Variants in CDK14 observed in about 807,000 individuals in gnomAD.
CDK14 encodes cyclin-dependent kinase 14.
Under a neutral mutation model 60.7 loss-of-function variants are expected in CDK14, and 34 were observed. The observed-to-expected ratio is 0.56, with a 90% CI of 0.43 to 0.75. The LOEUF is 0.75. Among genes scored for constraint, CDK14 ranks in the 30% least tolerant of loss-of-function variants. CDK14 has a pLI of 0.00. For synonymous variants in CDK14, 197 were observed against 203.7 expected, an observed-to-expected ratio of 0.97 and a Z score of 0.28; for missense variants, 482 against 564.1, an observed-to-expected ratio of 0.85 and a Z score of 1.47.
At chr7:90,680,665 A>G (rs1801296144) in intron 2 of CDK14, among the ~76,000 whole-genome samples, 1 of 152,210 alleles carries the variant, frequency 6.6e-6, no homozygotes, top group Non-Finnish European at 1.5e-5. Context: ...GTCATCACAT[A>G]TCAGATATGC....
At chr7:90,990,297 G>A (rs1795494776) in intron 10 of CDK14, among the ~76,000 whole-genome samples, 1 of 152,092 alleles carries the variant, frequency 6.6e-6, no homozygotes, top group South Asian at 2.1e-4. Flanking sequence ...AATATACAAT[G>A]TGGATAAAAT....
intron 3 of CDK14, among the ~76,000 whole-genome samples, chr7:90,732,669 G>A (rs1343817494): frequency 3.9e-5 from 6 of 152,140 alleles, no homozygotes; most frequent in African/African-American, 1.4e-4. Context: ...TTGTATTTCT[G>A]TGGGATTGGT....
At chr7:90,703,248 A>G (rs964224107) in intron 2 of CDK14, among the ~76,000 whole-genome samples, 1 of 152,106 alleles carries the variant, frequency 6.6e-6, no homozygotes, top group Non-Finnish European at 1.5e-5. Flanking sequence ...CTTATAATTT[A>G]ATTCACATTT....
chr7:90,877,245 T>C (rs1008553376), intron 6 of CDK14, among the ~76,000 whole-genome samples: 2 of 152,242 alleles, frequency 1.3e-5, no homozygotes, highest in Non-Finnish European at 2.9e-5. Context: ...AGTTTCATTA[T>C]GTTTTCATTG....
intron 9 of CDK14, 22 bp downstream of exon 9, chr7:90,955,839 C>G (rs1460153098): frequency 2.2e-5 from 36 of 1,611,118 alleles, no homozygotes; most frequent in Non-Finnish European, 3.0e-5. Context: ...AAGCTTTACT[C>G]TAGCTAATCT....
intron 2 of CDK14, among the ~76,000 whole-genome samples, chr7:90,696,259 G>C (rs1434452012): frequency 6.6e-6 from 1 of 152,076 alleles, no homozygotes. Flanking sequence ...ATTGAGATGG[G>C]GGAATATCGG....
chr7:90,855,083 A>C (rs1790779045), intron 5 of CDK14, among the ~76,000 whole-genome samples: 1 of 152,238 alleles, frequency 6.6e-6, no homozygotes, highest in Non-Finnish European at 1.5e-5. Context: ...AGGTTGAACT[A>C]GCAGTGAATG....
intron 3 of CDK14, 36 bp from the exon 4 acceptor site, chr7:90,747,645 A>G: frequency 8.5e-7 from 1 of 1,182,296 alleles, no homozygotes; most frequent in Non-Finnish European, 1.2e-6. Context: ...TTAATTTGAT[A>G]CAATCTGTTT....
intron 6 of CDK14, 79 bp from the exon 7 acceptor site, chr7:90,899,212 T>C: frequency 8.8e-7 from 1 of 1,140,850 alleles, no homozygotes; most frequent in Non-Finnish European, 1.2e-6. Context: ...AAGGTAATGG[T>C]GAGTTTGAAG....
chr7:90,640,226 G>A (rs781778854), intron 2 of CDK14, among the ~76,000 whole-genome samples: 17 of 152,076 alleles, frequency 1.1e-4, no homozygotes, highest in Non-Finnish European at 1.9e-4. Context: ...CACGCTGGGA[G>A]CTGTAGACCG....
intron 10 of CDK14, among the ~76,000 whole-genome samples, chr7:90,993,296 A>G (rs981794958): frequency 2.0e-5 from 3 of 152,170 alleles, no homozygotes; most frequent in Admixed American, 6.5e-5. Flanking sequence ...AACTGGGTCA[A>G]TGAAGAGAAT....
At chr7:91,006,119 T>G (rs895507079) in intron 10 of CDK14, among the ~76,000 whole-genome samples, 3 of 152,262 alleles carry the variant, frequency 2.0e-5, no homozygotes, top group African/African-American at 7.2e-5. Flanking sequence ...CTGCAGGGCA[T>G]CTGGGAACTC....
chr7:91,132,361 G>T (rs1444155678), intron 14 of CDK14, among the ~76,000 whole-genome samples: 1 of 152,124 alleles, frequency 6.6e-6, no homozygotes, highest in Non-Finnish European at 1.5e-5. Context: ...TCTAGGGACT[G>T]ATCTGATAGA....
chr7:90,758,546 A>T (rs1584863709), intron 4 of CDK14, among the ~76,000 whole-genome samples: 1 of 152,134 alleles, frequency 6.6e-6, no homozygotes, highest in Non-Finnish European at 1.5e-5. Flanking sequence ...ATATTCAGAG[A>T]TGTGTTAATA....
chr7:90,982,901 C>T (rs1422654467), intron 9 of CDK14, among the ~76,000 whole-genome samples: 1 of 152,020 alleles, frequency 6.6e-6, no homozygotes, highest in African/African-American at 2.4e-5. Flanking sequence ...CATGAACAGG[C>T]ATTTCTCAAA....
At chr7:90,852,952 T>A (rs1790699052) in intron 5 of CDK14, among the ~76,000 whole-genome samples, 2 of 152,230 alleles carry the variant, frequency 1.3e-5, no homozygotes, top group African/African-American at 2.4e-5. Flanking sequence ...TTTTTTCAGC[T>A]TTGACTTTGT....
chr7:90,863,531 A>G (rs1295018357), intron 6 of CDK14, among the ~76,000 whole-genome samples: 2 of 152,178 alleles, frequency 1.3e-5, no homozygotes, highest in Non-Finnish European at 2.9e-5. Flanking sequence ...TTACTAGGAT[A>G]CATTGTAATT....
At chr7:90,961,854 T>C (rs1400327187) in intron 9 of CDK14, among the ~76,000 whole-genome samples, 1 of 152,224 alleles carries the variant, frequency 6.6e-6, no homozygotes, top group Non-Finnish European at 1.5e-5. Context: ...CAGGACACCA[T>C]TGAGAGTTAA....
In CDK14 at chr7:90,611,893, C is replaced by T. The variant is rs1016298660; in HGVS notation, c.123+7644C>T. Among the ~76,000 whole-genome samples the T allele has an allele frequency of 6.9e-4, 97 of 141,504 alleles. 1 individual carries two copies. The highest frequency in any genetic ancestry group is 4.0e-3 in the Admixed American group (53 of 13,168). The allele number at this position is 141,504 out of a possible 152,430, so 92.8% of individuals were successfully genotyped here. A position where few individuals can be genotyped will look rare whatever the true frequency, so the allele number is the denominator to read the frequency against. ...TGTCACCCAGGCTGGAGTGCAGTGGCGCAATCTCGGCTCACTGCAACCTCC... is the reference window on the plus strand; with the variant it reads ...TGTCACCCAGGCTGGAGTGCAGTGGTGCAATCTCGGCTCACTGCAACCTCC... On this transcript the variant is annotated intron_variant, in intron 2 of 14. Transcript: ENST00000380050.
Sources: gnomAD v4.1 joint callset for allele counts (sites outside exome capture counted in the v4.1 genomes callset) on GRCh38, gnomAD v4.1.1 for gene constraint, MANE v1.5 for transcripts, NCBI Gene and HGNC (gene_info 2026-07-23, HGNC 2026-07-21) for gene names.